The following NGEF variants were observed in gnomAD, a reference collection of about 807,000 sequenced individuals.
NGEF encodes ephexin-1.
In NGEF, 31 loss-of-function variants were observed where a neutral mutation model predicts 80.9. That is an observed-to-expected ratio of 0.38 (90% CI 0.29 to 0.52). The LOEUF is 0.52. Ranked by LOEUF, NGEF falls within the 20% of genes least tolerant of loss-of-function variation. The pLI is 0.84. For synonymous variants in NGEF, 371 were observed against 370.2 expected (o/e 1.00, Z -0.03); for missense variants, 709 against 926.2 (o/e 0.77, Z 3.04).
At chr2:232,988,422 C>T (rs1694582893) in intron 1 of NGEF, among the ~76,000 whole-genome samples, 1 of 152,182 alleles carries the variant, frequency 6.6e-6, no homozygotes, top group African/African-American at 2.4e-5. Context: ...TCAAACCACA[C>T]TGAGATGTCT....
chr2:232,916,581 A>G (rs1692807952), intron 5 of NGEF, among the ~76,000 whole-genome samples: 3 of 152,258 alleles, frequency 2.0e-5, no homozygotes, highest in Non-Finnish European at 4.4e-5. Flanking sequence ...AGATAAAGCA[A>G]TGGAAACAGG....
chr2:232,887,276 C>T (rs577294721), intron 9 of NGEF, among the ~76,000 whole-genome samples: 49 of 152,336 alleles, frequency 3.2e-4, no homozygotes, highest in East Asian at 2.1e-3. Flanking sequence ...CGTGGCAGAG[C>T]GCATGGTAAG....
chr2:232,920,466 C>T lies in NGEF; in HGVS notation c.646G>A (p.Glu216Lys), dbSNP rs781354827. ...TCCTCCTCCTCTTCTTCTTCCTCCT[C>T]CGGGGTGTCCTCACTGGCCGGGGAC... is the stretch of plus-strand genomic sequence containing the variant. ...NGSPASEDTP[E>K]EEEEEEEEEE... Residue 216 changes from glutamate (E) to lysine (K), a missense_variant, in exon 5 of 15, where the codon GAG becomes AAG. Glu to Lys is a moderately conservative substitution (Grantham distance 56). Transcript: ENST00000264051. 14 of 1,613,500 alleles carry T rather than the reference C, an allele frequency of 8.7e-6. No individual in the cohort carries two copies. The highest frequency in any genetic ancestry group is 3.3e-5 in the Admixed American group (2 of 59,970).
At chr2:232,954,066 G>A (rs934966604) in intron 3 of NGEF, among the ~76,000 whole-genome samples, 4 of 152,150 alleles carry the variant, frequency 2.6e-5, no homozygotes, top group African/African-American at 4.8e-5. Flanking sequence ...TAACAGAGCC[G>A]AATGTCTACC....
intron 1 of NGEF, among the ~76,000 whole-genome samples, chr2:232,993,226 A>AT (rs1342621051): frequency 2.3e-5 from 1 of 42,926 alleles, no homozygotes; most frequent in African/African-American, 1.2e-4. Context: ...ATAGATACAC[A>AT]CATATATATG....
intron 3 of NGEF, among the ~76,000 whole-genome samples, chr2:232,941,570 C>T (rs556343117): frequency 8.3e-4 from 126 of 152,056 alleles, no homozygotes; most frequent in South Asian, 4.0e-3. Flanking sequence ...TTTGCAAAGG[C>T]GGTTTCACTT....
chr2:232,957,868 A>G (rs1189813448), intron 3 of NGEF, among the ~76,000 whole-genome samples: 1 of 152,240 alleles, frequency 6.6e-6, no homozygotes, highest in Non-Finnish European at 1.5e-5. Flanking sequence ...TGCCCCTTCA[A>G]CTTCTCAAAG....
intron 1 of NGEF, among the ~76,000 whole-genome samples, chr2:233,008,254 G>A (rs563705155): frequency 3.6e-3 from 549 of 152,304 alleles, no homozygotes; most frequent in African/African-American, 9.5e-3. Flanking sequence ...TGTGGATTGC[G>A]GTAAAGGGTA....
chr2:232,966,856 T>TG (rs563569014), intron 3 of NGEF, among the ~76,000 whole-genome samples: 65 of 150,676 alleles, frequency 4.3e-4, no homozygotes, highest in East Asian at 2.9e-3. Context: ...CCAGTGAGGG[T>TG]GGGGGGGGAG....
At chr2:232,997,967 C>T (rs1028252725) in intron 1 of NGEF, among the ~76,000 whole-genome samples, 2 of 152,178 alleles carry the variant, frequency 1.3e-5, no homozygotes, top group South Asian at 2.1e-4. Context: ...AAACGTGCCC[C>T]GATAGGACAG....
intron 5 of NGEF, among the ~76,000 whole-genome samples, chr2:232,916,287 G>A (rs932005860): frequency 2.0e-5 from 3 of 152,152 alleles, no homozygotes; most frequent in African/African-American, 7.2e-5. Context: ...ACAAGCCTGA[G>A]AGGTAGGTAC....
intron 3 of NGEF, among the ~76,000 whole-genome samples, chr2:232,940,252 G>A (rs1693410425): frequency 6.6e-6 from 1 of 152,202 alleles, no homozygotes; most frequent in African/African-American, 2.4e-5. Context: ...CACACAATAA[G>A]TGAATATCAC....
chr2:232,926,870 G>T (rs796945725), intron 4 of NGEF, among the ~76,000 whole-genome samples, 174 bp downstream of exon 4: 10 of 152,336 alleles, frequency 6.6e-5, no homozygotes, highest in African/African-American at 2.2e-4. Flanking sequence ...TTAAAATGCA[G>T]CAGTTTTGCC....
At chr2:232,998,680 G>A (rs1694906867) in intron 1 of NGEF, among the ~76,000 whole-genome samples, 1 of 152,166 alleles carries the variant, frequency 6.6e-6, no homozygotes, top group Non-Finnish European at 1.5e-5. Context: ...CTTTCCCACA[G>A]TGGCTGTGGT....
intron 3 of NGEF, among the ~76,000 whole-genome samples, chr2:232,963,239 C>A (rs376480866): frequency 6.6e-6 from 1 of 151,838 alleles, no homozygotes; most frequent in East Asian, 1.9e-4. Context: ...CAGAAATAGA[C>A]CCACATGTCT....
intron 3 of NGEF, among the ~76,000 whole-genome samples, chr2:232,960,814 G>A (rs770869730): frequency 3.3e-5 from 5 of 152,180 alleles, no homozygotes; most frequent in Admixed American, 6.5e-5. Context: ...GGAGGCAGAG[G>A]TTGCAGTGAG....
At chr2:232,938,740 A>AG (rs1491106517) in intron 3 of NGEF, among the ~76,000 whole-genome samples, 7 of 64,948 alleles carry the variant, frequency 1.1e-4, no homozygotes, top group Admixed American at 3.4e-4. Flanking sequence ...CCCTGTCTTA[A>AG]GAAAAAAAAA....
intron 3 of NGEF, among the ~76,000 whole-genome samples, chr2:232,950,063 C>T (rs1329067374): frequency 6.6e-6 from 1 of 152,186 alleles, no homozygotes; most frequent in Non-Finnish European, 1.5e-5. Context: ...ACACCAGCCT[C>T]GGCCTCCCAA....
chr2:232,997,857 G>A (rs558969695), intron 1 of NGEF, among the ~76,000 whole-genome samples: 35 of 152,260 alleles, frequency 2.3e-4, no homozygotes, highest in African/African-American at 8.2e-4. Flanking sequence ...AATAGCCCAC[G>A]CCTCTGCCTG....
Sources: gnomAD v4.1 joint callset for allele counts (sites outside exome capture counted in the v4.1 genomes callset) on GRCh38, gnomAD v4.1.1 for gene constraint, MANE v1.5 for transcripts, NCBI Gene and HGNC (gene_info 2026-07-23, HGNC 2026-07-21) for gene names.